FUT9: variants seen among roughly 807,000 people sequenced by gnomAD.
FUT9 encodes fucosyltransferase 9.
FUT9 carries 15 observed loss-of-function variants against 29.7 expected under a neutral mutation model. The observed-to-expected ratio is 0.51, with a 90% CI of 0.34 to 0.78. The LOEUF is 0.78. Among genes scored for constraint, FUT9 ranks in the 30% least tolerant of loss-of-function variants. FUT9 has a pLI of 0.01. For missense variants in FUT9, 319 were observed against 425.4 expected (o/e 0.75, Z 2.20); for synonymous variants, 169 against 153.7 (o/e 1.10, Z -0.74).
chr6:96,200,359 G>A (rs1369053188), intron 2 of FUT9, among the ~76,000 whole-genome samples: 4 of 152,156 alleles, frequency 2.6e-5, no homozygotes, highest in Non-Finnish European at 5.9e-5. Flanking sequence ...ATTCACGTTT[G>A]TATTATTTGT....
chr6:96,028,807 A>G (rs1770211149), intron 1 of FUT9, among the ~76,000 whole-genome samples: 1 of 151,652 alleles, frequency 6.6e-6, no homozygotes, highest in Admixed American at 6.6e-5. Flanking sequence ...GGAAGAGCTA[A>G]TTAGAATCAT....
intron 2 of FUT9, among the ~76,000 whole-genome samples, chr6:96,165,957 G>T (rs1304484903): frequency 2.0e-5 from 3 of 152,022 alleles, no homozygotes; most frequent in African/African-American, 4.8e-5. Context: ...GTCAGACAAA[G>T]GTCTGAGAAT....
At chr6:96,157,784 T>C (rs1772813716) in intron 2 of FUT9, among the ~76,000 whole-genome samples, 1 of 152,206 alleles carries the variant, frequency 6.6e-6, no homozygotes, top group South Asian at 2.1e-4. Flanking sequence ...CATATTAATA[T>C]AGAGCAACAC....
intron 2 of FUT9, among the ~76,000 whole-genome samples, chr6:96,195,683 C>T (rs573958364): frequency 1.2e-4 from 18 of 152,140 alleles, no homozygotes; most frequent in South Asian, 1.0e-3. Context: ...ATAGCTAAAG[C>T]GTAAAGCTTT....
At chr6:96,110,531 A>T (rs1287160371) in intron 1 of FUT9, among the ~76,000 whole-genome samples, 1 of 152,188 alleles carries the variant, frequency 6.6e-6, no homozygotes. Context: ...ATTTCAAAAG[A>T]TACATCCCCT....
Position 96,211,018 on chromosome 6 carries a change from A to G in FUT9, c.*6783A>G, listed in dbSNP as rs944731696. On this transcript the variant is annotated 3_prime_UTR_variant, in exon 3 of 3. Transcript: ENST00000302103. ...AGATAATTGTGAGGAATCCAGTGCT[A>G]TTTTCACAATTTTAATTCTAAAACT... The G allele has an allele frequency of 1.2e-5, 2 of 166,852 alleles. No individual in the cohort carries two copies. Among genetic ancestry groups the G allele is most frequent in the Non-Finnish European group, 2.9e-5 (2 of 68,004 alleles). 10.3% of individuals were successfully genotyped at this position (166,852 alleles called of 1,614,324 possible). A position where few individuals can be genotyped will look rare whatever the true frequency, so the allele number is the denominator to read the frequency against.
chr6:96,212,391 T>C lies in FUT9; in HGVS notation c.*8156T>C. 1 of 412,414 alleles carries C rather than the reference T, an allele frequency of 2.4e-6. No homozygotes were observed. The allele number at this position is 412,414 out of a possible 1,614,324, so 25.5% of individuals were successfully genotyped here. A position where few individuals can be genotyped will look rare whatever the true frequency, so the allele number is the denominator to read the frequency against. On this transcript the variant is annotated 3_prime_UTR_variant, in exon 3 of 3. Coordinates refer to ENST00000302103, the MANE Select transcript of FUT9 (RefSeq NM_006581.4). The stretch of plus-strand genomic sequence containing the variant: ...TCAAGAGTCCTTAAGCAAATGAAGA[T>C]TATCTGATTGTCTATGTAAACCTGG...
chr6:96,066,340 A>AT (rs1770961377), intron 1 of FUT9, among the ~76,000 whole-genome samples: 1 of 101,940 alleles, frequency 9.8e-6, no homozygotes, highest in African/African-American at 3.4e-5. Flanking sequence ...AGAAATTTAA[A>AT]TAAAAATCTA....
chr6:96,170,447 A>G (rs1320273078), intron 2 of FUT9, among the ~76,000 whole-genome samples: 1 of 152,130 alleles, frequency 6.6e-6, no homozygotes, highest in African/African-American at 2.4e-5. Context: ...AGTTAGGATT[A>G]TGTACAACAA....
chr6:96,066,949 A>G (rs1010671257), intron 1 of FUT9, among the ~76,000 whole-genome samples: 2 of 151,924 alleles, frequency 1.3e-5, no homozygotes, highest in African/African-American at 4.8e-5. Flanking sequence ...ACCCTAAAAT[A>G]TGGTTTACCT....
intron 1 of FUT9, among the ~76,000 whole-genome samples, chr6:96,053,023 C>T (rs1770700746): frequency 6.6e-6 from 1 of 151,642 alleles, no homozygotes; most frequent in Non-Finnish European, 1.5e-5. Context: ...CCAATCATCA[C>T]TGAAAATATA....
At chr6:96,086,264 T>C (rs778544998) in intron 1 of FUT9, among the ~76,000 whole-genome samples, 6 of 152,218 alleles carry the variant, frequency 3.9e-5, no homozygotes, top group Non-Finnish European at 8.8e-5. Context: ...GCAGTGTTCC[T>C]TCCGTTTGCA....
intron 1 of FUT9, among the ~76,000 whole-genome samples, chr6:96,039,599 C>A (rs1196927330): frequency 6.6e-6 from 1 of 152,104 alleles, no homozygotes; most frequent in Non-Finnish European, 1.5e-5. Context: ...TCAACTCAAG[C>A]ATTACCTCCT....
chr6:96,188,975 T>G (rs1383151605), intron 2 of FUT9, among the ~76,000 whole-genome samples: 2 of 152,058 alleles, frequency 1.3e-5, no homozygotes, highest in African/African-American at 4.8e-5. Context: ...GATGACAACA[T>G]TAATCGTATA....
intron 1 of FUT9, among the ~76,000 whole-genome samples, chr6:96,022,443 T>C (rs1770086016): frequency 1.3e-5 from 2 of 152,008 alleles, no homozygotes; most frequent in South Asian, 4.1e-4. Flanking sequence ...TCTGGAGGTG[T>C]TGACAGGTAT....
chr6:96,187,493 C>G (rs1441542780), intron 2 of FUT9, among the ~76,000 whole-genome samples: 1 of 152,060 alleles, frequency 6.6e-6, no homozygotes, highest in African/African-American at 2.4e-5. Flanking sequence ...TGGGTGCAGA[C>G]TGTAATTCCT....
rs986638276 is a variant in FUT9, at chr6:96,209,641, C to G, written c.*5406C>G. 1 of 166,782 alleles carries G rather than the reference C, an allele frequency of 6.0e-6. No individual in the cohort carries two copies. Among genetic ancestry groups the G allele is most frequent in the African/African-American group, 2.4e-5 (1 of 41,390 alleles). 10.3% of individuals were successfully genotyped at this position (166,782 alleles called of 1,614,324 possible). A position where few individuals can be genotyped will look rare whatever the true frequency, so the allele number is the denominator to read the frequency against. ...ATAAAATAGCATAATTTTAAGTAAG[C>G]TAGATTGAGTTCATTTGAACATTTA... On this transcript the variant is annotated 3_prime_UTR_variant, in exon 3 of 3. Coordinates refer to ENST00000302103, the MANE Select transcript of FUT9 (RefSeq NM_006581.4).
rs759934030 is a variant in FUT9 at position 96,058,268 on chromosome 6, GT to G, written c.-98+42059del. ...TAGACAAGCATTCATTGTTCAAAGG[GT>G]TTGATTCCTCACTGAGCAAAAGCTA... On this transcript the variant is annotated intron_variant, in intron 1 of 2. Coordinates refer to ENST00000302103, the MANE Select transcript of FUT9 (RefSeq NM_006581.4). Among the ~76,000 whole-genome samples the G allele has an allele frequency of 9.1e-4, 139 of 151,956 alleles. 1 individual carries two copies. The highest frequency in any genetic ancestry group is 1.8e-3 in the Non-Finnish European group (124 of 68,008).
chr6:96,182,770 G>T (rs540362533), intron 2 of FUT9, among the ~76,000 whole-genome samples: 75 of 152,072 alleles, frequency 4.9e-4, no homozygotes, highest in African/African-American at 1.8e-3. Flanking sequence ...GTTTATTTCT[G>T]GGTTCTCTAT....
Sources: gnomAD v4.1 joint callset for allele counts (sites outside exome capture counted in the v4.1 genomes callset) on GRCh38, gnomAD v4.1.1 for gene constraint, MANE v1.5 for transcripts, NCBI Gene and HGNC (gene_info 2026-07-23, HGNC 2026-07-21) for gene names.